Variants in ANK2 observed in about 807,000 individuals in gnomAD.
The protein encoded by ANK2 is ankyrin 2, also known as ankyrin-2.
Under a neutral mutation model 360.5 loss-of-function variants are expected in ANK2, and 83 were observed. The observed-to-expected ratio is 0.23, with a 90% CI of 0.19 to 0.28. ANK2 has a LOEUF of 0.28. ANK2 is among the 10% of genes least tolerant of loss of function. ANK2 has a pLI of 1.00. For missense variants in ANK2, 4,201 were observed against 4,795.7 expected, an observed-to-expected ratio of 0.88 and a Z score of 3.66; for synonymous variants, 1,740 against 1,759.5, an observed-to-expected ratio of 0.99 and a Z score of 0.28.
the ANK2 span, among the ~76,000 whole-genome samples, chr4:112,712,400 ATATATAT>A: frequency 1.0e-4 from 4 of 39,764 alleles, no homozygotes; most frequent in South Asian, 1.0e-3. Context: ...ATATATATAT[ATATATAT>A]TTTTTTTTTT....
chr4:112,859,866 G>A (rs900414750), intron 1 of ANK2, among the ~76,000 whole-genome samples: 26 of 152,310 alleles, frequency 1.7e-4, no homozygotes, highest in African/African-American at 6.0e-4. Context: ...GAAAGATGAT[G>A]TTTGAGTTGT....
At chr4:113,275,022 G>T (rs2059720566) in intron 15 of ANK2, among the ~76,000 whole-genome samples, 1 of 152,138 alleles carries the variant, frequency 6.6e-6, no homozygotes. Context: ...TACTGCATTA[G>T]ATTGGCAGTA....
chr4:113,202,403 G>A (rs1391126758), intron 4 of ANK2, among the ~76,000 whole-genome samples: 2 of 152,100 alleles, frequency 1.3e-5, no homozygotes, highest in Non-Finnish European at 2.9e-5. Context: ...TTCCTTTTGA[G>A]AACCAGAAAA....
rs186520164 is a variant in ANK2, at chr4:113,363,193, A to G, written c.10757-145A>G. On this transcript the variant is annotated intron_variant, in intron 39 of 45. Coordinates refer to ENST00000357077, the MANE Select transcript of ANK2 (RefSeq NM_001148.6). ...AGTACTAGAAGAACAAAGGCATATA[A>G]GAGTCACTTCTAATATGTAGAAATT... is the stretch of plus-strand genomic sequence containing the variant. 3.7e-5 allele frequency: 29 copies of G among 774,440 alleles called. No individual in the cohort carries two copies. In the South Asian group the frequency reaches 3.8e-4, roughly 10 times the overall value. 48.0% of individuals were successfully genotyped at this position (774,440 alleles called of 1,614,324 possible). A position where few individuals can be genotyped will look rare whatever the true frequency, so the allele number is the denominator to read the frequency against.
In ANK2 at chr4:113,383,593, G is replaced by A. The variant is rs2097203604; in HGVS notation, c.*2122G>A. On this transcript the variant is annotated 3_prime_UTR_variant, in exon 46 of 46. Coordinates refer to ENST00000357077, the MANE Select transcript of ANK2 (RefSeq NM_001148.6). ...TTTTCAGTTGACGAATCAGCATCTT[G>A]TTCCCATGGTGATAACACTAATTGA... The A allele has an allele frequency of 6.6e-6, 1 of 152,488 alleles. No individual in the cohort carries two copies. The highest frequency in any genetic ancestry group is 2.4e-5 in the African/African-American group (1 of 41,386). The allele number at this position is 152,488 out of a possible 1,614,324, so 9.4% of individuals were successfully genotyped here.
intron 22 of ANK2, among the ~76,000 whole-genome samples, chr4:113,300,561 C>A (rs766821158): frequency 1.3e-5 from 2 of 152,144 alleles, no homozygotes; most frequent in African/African-American, 2.4e-5. Context: ...ACACAGCACA[C>A]ACGATGCTCT....
intron 1 of ANK2, among the ~76,000 whole-genome samples, chr4:112,903,048 T>A (rs115475299): frequency 3.7e-3 from 563 of 152,310 alleles, no homozygotes; most frequent in African/African-American, 0.013. Context: ...GTGAAAACCC[T>A]CTGGACAAGA....
intron 2 of ANK2, among the ~76,000 whole-genome samples, chr4:112,922,149 C>T (rs1368802609): frequency 2.6e-5 from 4 of 152,186 alleles, no homozygotes; most frequent in African/African-American, 9.6e-5. Flanking sequence ...TTTCCTTTCA[C>T]TGCAGATTTA....
intron 1 of ANK2, among the ~76,000 whole-genome samples, chr4:113,053,954 G>A (rs1190714309): frequency 6.6e-6 from 1 of 152,100 alleles, no homozygotes; most frequent in Non-Finnish European, 1.5e-5. Flanking sequence ...ATTTTTGTGT[G>A]CAGCTCCACA....
chr4:113,310,255 A>C (rs75257820), intron 23 of ANK2, among the ~76,000 whole-genome samples: 3,961 of 152,282 alleles, frequency 0.026, 86 homozygotes, highest in Non-Finnish European at 0.04. Context: ...GCTGAGAGAC[A>C]GCGGTGAGAA....
chr4:113,117,338 G>C (rs901459994), intron 1 of ANK2: 1 of 456,008 alleles, frequency 2.2e-6, no homozygotes, highest in Non-Finnish European at 4.4e-6. Context: ...GGCTGATCTG[G>C]ATGAAAAGGA....
chr4:113,091,223 T>A (rs1339740043), intron 1 of ANK2, among the ~76,000 whole-genome samples: 1 of 152,206 alleles, frequency 6.6e-6, no homozygotes, highest in African/African-American at 2.4e-5. Context: ...TAGCATCATA[T>A]TGATATCAAG....
Position 113,161,005 on chromosome 4 carries a change from G to T in ANK2, c.85-13411G>T, listed in dbSNP as rs556820635. The stretch of plus-strand genomic sequence containing the variant: ...CAAATAATAAAAGACAACTAGTAAA[G>T]AATTCTTCATTGTTCCTTAAGCCTG... On this transcript the variant is annotated intron_variant, in intron 1 of 45. Coordinates refer to ENST00000357077, the MANE Select transcript of ANK2 (RefSeq NM_001148.6). Among the ~76,000 whole-genome samples the T allele has an allele frequency of 1.9e-4, 29 of 152,260 alleles. No individual in the cohort carries two copies. The Middle Eastern group carries it at 0.01, about 54-fold the overall frequency.
At chr4:112,772,683 G>C in the ANK2 span, among the ~76,000 whole-genome samples, 1 of 152,216 alleles carries the variant, frequency 6.6e-6, no homozygotes, top group South Asian at 2.1e-4. Context: ...AGGAGAAGAA[G>C]TGTGTGTTCA....
At chr4:113,341,977 T>C (rs752547000) in intron 33 of ANK2, 61 bp downstream of exon 33, 283 of 1,335,606 alleles carry the variant, frequency 2.1e-4, no homozygotes, top group Non-Finnish European at 2.9e-4. Flanking sequence ...CATTAATAGA[T>C]TACATTTCAA....
chr4:112,957,015 T>C (rs1022901113), intron 2 of ANK2, among the ~76,000 whole-genome samples: 2 of 146,408 alleles, frequency 1.4e-5, no homozygotes, highest in Non-Finnish European at 1.5e-5. Context: ...TTGTTTTTTT[T>C]TTTTTTTTTT....
chr4:113,272,981 T>G (rs936791262), intron 14 of ANK2, among the ~76,000 whole-genome samples: 4 of 152,164 alleles, frequency 2.6e-5, no homozygotes, highest in African/African-American at 4.8e-5. Flanking sequence ...TATTTATAAA[T>G]AAAAAATGTT....
At chr4:112,813,127 A>T, upstream of ANK2, among the ~76,000 whole-genome samples, 1 of 151,898 alleles carries the variant, frequency 6.6e-6, no homozygotes, top group East Asian at 1.9e-4. Flanking sequence ...AGTCCCAGCT[A>T]CTTGGGAGGC....
chr4:113,337,638 T>G (rs1228874416), intron 31 of ANK2, among the ~76,000 whole-genome samples: 3 of 152,204 alleles, frequency 2.0e-5, no homozygotes, highest in Non-Finnish European at 4.4e-5. Flanking sequence ...TGGCAGAATG[T>G]TCACCTTTAT....
Sources: allele counts gnomAD v4.1 joint callset (sites outside exome capture counted in the v4.1 genomes callset), GRCh38; gene constraint gnomAD v4.1.1; transcripts MANE v1.5; gene names NCBI Gene and HGNC (gene_info 2026-07-23, HGNC 2026-07-21).